COL23A1: variants seen among roughly 807,000 people sequenced by gnomAD.
COL23A1 encodes the protein collagen type XXIII alpha 1 chain.
In COL23A1, 97 loss-of-function variants were observed where a neutral mutation model predicts 99.3. That is an observed-to-expected ratio of 0.98 (90% confidence interval 0.83 to 1.16). The LOEUF (loss-of-function observed/expected upper bound fraction) is 1.16, where lower values mean the gene tolerates loss of function less well. COL23A1 is among the 50% of genes most tolerant of loss of function. The probability of loss-of-function intolerance (pLI) is 0.00; values close to 1 mark genes in which losing one functional copy is unlikely to be tolerated. For missense variants in COL23A1, 762 were observed against 757.4 expected (o/e 1.01, Z -0.07); for synonymous variants, 320 against 308.2 (o/e 1.04, Z -0.40).
chr5:178,569,192 C>T (rs2113638000), intron 1 of COL23A1, among the ~76,000 whole-genome samples: 1 of 152,270 alleles, frequency 6.6e-6, no homozygotes, highest in South Asian at 2.1e-4. Context: ...ATCTGTATAT[C>T]CTGTTTGAAG....
chr5:178,436,664 C>A (rs1413709361), intron 2 of COL23A1, among the ~76,000 whole-genome samples: 1 of 152,176 alleles, frequency 6.6e-6, no homozygotes, highest in East Asian at 1.9e-4. Context: ...ACCAGCTAAG[C>A]CCTCCTTACT....
intron 2 of COL23A1, among the ~76,000 whole-genome samples, chr5:178,332,223 A>C (rs1760070106): frequency 6.6e-6 from 1 of 152,126 alleles, no homozygotes; most frequent in African/African-American, 2.4e-5. Context: ...CCACACCTGG[A>C]TGCTTTCCAC....
rs189544951 is a variant in COL23A1 at position 178,239,806 on chromosome 5, C to T, written c.1582-627G>A. Among the ~76,000 whole-genome samples, 192 of 102,870 alleles carry T rather than the reference C, an allele frequency of 1.9e-3. 2 individuals carry two copies. The highest frequency in any genetic ancestry group is 0.013 in the Admixed American group (136 of 10,506). The allele number at this position is 102,870 out of a possible 152,430, so 67.5% of individuals were successfully genotyped here. A position where few individuals can be genotyped will look rare whatever the true frequency, so the allele number is the denominator to read the frequency against. On this transcript the variant is annotated intron_variant, in intron 27 of 28. Coordinates refer to ENST00000390654, the MANE Select transcript of COL23A1 (RefSeq NM_173465.4). ...CTGCCGAGAGCCGTGTGGCTTCCTG[C>T]CTGATGTGACAGTGACTCTGGCCTG... is the stretch of plus-strand genomic sequence containing the variant.
chr5:178,446,081 CAA>C (rs1767144718), intron 2 of COL23A1, among the ~76,000 whole-genome samples: 1 of 151,430 alleles, frequency 6.6e-6, no homozygotes, highest in African/African-American at 2.4e-5. Flanking sequence ...TTTTTTTAAT[CAA>C]AAAATTTCCA....
intron 5 of COL23A1, among the ~76,000 whole-genome samples, chr5:178,273,554 C>T (rs997853113): frequency 2.0e-5 from 3 of 152,200 alleles, no homozygotes; most frequent in South Asian, 2.1e-4. Context: ...GCAGTGCTCC[C>T]GGGAGCCCCC....
chr5:178,266,477 G>A (rs1410006000), intron 8 of COL23A1, among the ~76,000 whole-genome samples: 1 of 152,078 alleles, frequency 6.6e-6, no homozygotes, highest in East Asian at 1.9e-4. Flanking sequence ...GGATTGGGAG[G>A]AGATCCACTC....
chr5:178,483,134 T>G (rs1757430231), intron 2 of COL23A1, among the ~76,000 whole-genome samples: 1 of 151,998 alleles, frequency 6.6e-6, no homozygotes, highest in South Asian at 2.1e-4. Context: ...TGTGCCAAAA[T>G]TTTAAAATGT....
chr5:178,515,757 C>A (rs1464576652), intron 2 of COL23A1, among the ~76,000 whole-genome samples: 1 of 152,190 alleles, frequency 6.6e-6, no homozygotes, highest in Non-Finnish European at 1.5e-5. Context: ...CCCTCTTGAA[C>A]CTGCCACCTG....
chr5:178,257,217 C>A (rs533146651), intron 13 of COL23A1, among the ~76,000 whole-genome samples: 1 of 151,934 alleles, frequency 6.6e-6, no homozygotes, highest in Non-Finnish European at 1.5e-5. Context: ...GTGGCTGTTG[C>A]GAGGGGTTGG....
chr5:178,567,058 G>A (rs987212494), intron 1 of COL23A1, among the ~76,000 whole-genome samples: 1 of 151,926 alleles, frequency 6.6e-6, no homozygotes, highest in Non-Finnish European at 1.5e-5. Flanking sequence ...GAAAGCTACA[G>A]TGAACCCTGT....
At chr5:178,322,106 C>T (rs1348359640) in intron 2 of COL23A1, among the ~76,000 whole-genome samples, 1 of 152,054 alleles carries the variant, frequency 6.6e-6, no homozygotes, top group Non-Finnish European at 1.5e-5. Context: ...GATTCTCCTG[C>T]CTCAGCCTCC....
chr5:178,547,565 C>CA (rs1761679121), intron 2 of COL23A1, among the ~76,000 whole-genome samples: 1 of 81,530 alleles, frequency 1.2e-5, no homozygotes, highest in Non-Finnish European at 2.4e-5. Context: ...ATACACACCC[C>CA]CACACACACC....
intron 6 of COL23A1, 38 bp downstream of exon 6, chr5:178,270,298 CA>C (rs1561810999): frequency 1.9e-6 from 3 of 1,613,070 alleles, no homozygotes; most frequent in Admixed American, 3.3e-5. Flanking sequence ...GTGGCAGCCC[CA>C]GCCCAGGACC....
intron 2 of COL23A1, among the ~76,000 whole-genome samples, chr5:178,315,207 C>T (rs1758913774): frequency 6.6e-6 from 1 of 152,166 alleles, no homozygotes; most frequent in Non-Finnish European, 1.5e-5. Flanking sequence ...ATGACGCATC[C>T]TGGTGACATA....
rs1203454887 is a variant in COL23A1, at chr5:178,343,668, T to A, written c.362-36749A>T. Among the ~76,000 whole-genome samples the A allele has an allele frequency of 7.4e-3, 1,113 of 150,174 alleles. 16 individuals are homozygous for A. The highest frequency in any genetic ancestry group is 0.019 in the African/African-American group (787 of 40,924). Reference sequence around the variant, plus strand: ...TTTTTCCATTATATATATATATTTTTTTTTTTTTTTGGAGACGGAGTCTTG... The same window carrying A: ...TTTTTCCATTATATATATATATTTTATTTTTTTTTTGGAGACGGAGTCTTG... On this transcript the variant is annotated intron_variant, in intron 2 of 28. Transcript: ENST00000390654.
chr5:178,330,422 G>T (rs1364195250), intron 2 of COL23A1, among the ~76,000 whole-genome samples: 1 of 152,190 alleles, frequency 6.6e-6, no homozygotes, highest in African/African-American at 2.4e-5. Flanking sequence ...TTCACAGGCC[G>T]AGGCGGGAGG....
intron 2 of COL23A1, among the ~76,000 whole-genome samples, chr5:178,534,332 T>A (rs1434982003): frequency 6.6e-6 from 1 of 152,152 alleles, no homozygotes; most frequent in East Asian, 1.9e-4. Context: ...CCGTCATGAC[T>A]TAACCACCTT....
chr5:178,326,564 G>C (rs975943380), intron 2 of COL23A1, among the ~76,000 whole-genome samples: 1 of 152,072 alleles, frequency 6.6e-6, no homozygotes, highest in African/African-American at 2.4e-5. Context: ...TGTCCACGCA[G>C]GCATCTCTCC....
rs200567150 is a variant in COL23A1, at chr5:178,403,108, C to CAAAA, written c.362-96193_362-96190dup. On this transcript the variant is annotated intron_variant, in intron 2 of 28. Transcript: ENST00000390654. Reference sequence around the variant, plus strand: ...TGGGCAACAGAGAGAGACTCCATCTCAAAAAAAAAAAAAATAAATAAATAA... The same window carrying CAAAA: ...TGGGCAACAGAGAGAGACTCCATCTCAAAAAAAAAAAAAAAAAATAAATAAATAA... 1.3e-3 allele frequency among the ~76,000 whole-genome samples: 62 copies of CAAAA among 46,620 alleles called. 4 individuals carry two copies. The highest frequency in any genetic ancestry group is 2.3e-3 in the African/African-American group (21 of 9,248). The allele number at this position is 46,620 out of a possible 152,430, so 30.6% of individuals were successfully genotyped here. A position where few individuals can be genotyped will look rare whatever the true frequency, so the allele number is the denominator to read the frequency against.
Sources: allele counts gnomAD v4.1 joint callset (sites outside exome capture counted in the v4.1 genomes callset), GRCh38; gene constraint gnomAD v4.1.1; transcripts MANE v1.5; gene names NCBI Gene and HGNC (gene_info 2026-07-23, HGNC 2026-07-21).